The following PKHD1 variants were observed in gnomAD, a reference collection of about 807,000 sequenced individuals.
PKHD1 encodes the protein PKHD1 ciliary IPT domain containing fibrocystin/polyductin.
Under a neutral mutation model 412.0 loss-of-function variants are expected in PKHD1, and 291 were observed. The observed-to-expected ratio is 0.71, with a 90% confidence interval of 0.64 to 0.78. The LOEUF is 0.78. Ranked by LOEUF, PKHD1 falls within the 30% of genes least tolerant of loss-of-function variation. The pLI is 0.00. For missense variants in PKHD1, 4,825 were observed against 4,950.7 expected (o/e 0.97, Z 0.76); for synonymous variants, 1,777 against 1,821.5 (o/e 0.98, Z 0.62).
At chr6:51,644,986 G>A (rs558590053) in intron 63 of PKHD1, among the ~76,000 whole-genome samples, 9 of 152,138 alleles carry the variant, frequency 5.9e-5, no homozygotes, top group Admixed American at 2.6e-4. Context: ...CCAATAAACC[G>A]AATTTTTAAA....
At chr6:51,815,206 T>G (rs1412085888) in intron 52 of PKHD1, among the ~76,000 whole-genome samples, 1 of 152,232 alleles carries the variant, frequency 6.6e-6, no homozygotes, top group Non-Finnish European at 1.5e-5. Context: ...GCATTTGTTG[T>G]GGCTATAAGC....
At chr6:51,924,808 C>A (rs1003419631) in intron 37 of PKHD1, among the ~76,000 whole-genome samples, 1 of 152,206 alleles carries the variant, frequency 6.6e-6, no homozygotes, top group Admixed American at 6.5e-5. Flanking sequence ...ACCATCCCAT[C>A]TTTAGACTAA....
At position 51,845,568 on chromosome 6, in the gene PKHD1, C is replaced by A. The variant is rs531415780; in HGVS notation, c.8107+2207G>T. Among the ~76,000 whole-genome samples the A allele has an allele frequency of 1.2e-4, 19 of 152,282 alleles. No homozygotes were observed. In the South Asian group the frequency reaches 3.7e-3, roughly 30 times the overall value. On this transcript the variant is annotated intron_variant, in intron 50 of 66. Transcript: ENST00000371117. ...GAGGAGATACTAGGGTATTCCAATA[C>A]AAATAATTTTTAAAAATTAATAAAG... is the stretch of plus-strand genomic sequence containing the variant.
rs963268915 is a variant in PKHD1 at position 51,761,915 on chromosome 6, G to A, written c.8643-6977C>T. ...TTTCCCCTTCTCAGTAAATGGCAGC[G>A]CTCCTTACCTAGTTTCTTAGGTCAA... On this transcript the variant is annotated intron_variant, in intron 55 of 66. Coordinates refer to ENST00000371117, the MANE Select transcript of PKHD1 (RefSeq NM_138694.4). 7.2e-5 allele frequency among the ~76,000 whole-genome samples: 11 copies of A among 151,912 alleles called. No individual in the cohort carries two copies. The South Asian group carries it at 8.3e-4, about 11-fold the overall frequency.
intron 3 of PKHD1, among the ~76,000 whole-genome samples, chr6:52,082,775 CT>C (rs1582157021): frequency 6.6e-6 from 1 of 152,090 alleles, no homozygotes; most frequent in East Asian, 1.9e-4. Flanking sequence ...TTTTTCAGCC[CT>C]CAGATTTACT....
At chr6:52,087,372 G>T (rs529359208) in intron 1 of PKHD1, 62 bp downstream of exon 1, 2 of 152,280 alleles carry the variant, frequency 1.3e-5, no homozygotes, top group Admixed American at 1.3e-4. Context: ...TCACCAGAAC[G>T]TTAACAAGAG....
chr6:51,616,781 T>C lies in PKHD1; in HGVS notation c.*2300A>G, dbSNP rs1766104616. On this transcript the variant is annotated 3_prime_UTR_variant, in exon 67 of 67. Coordinates refer to ENST00000371117, the MANE Select transcript of PKHD1 (RefSeq NM_138694.4). The stretch of plus-strand genomic sequence containing the variant: ...ACATGCCTCCCAGAAAGACTGGTCT[T>C]GTGACACATAGAGGATAAATAAGAA... 1 of 397,956 alleles carries C rather than the reference T, an allele frequency of 2.5e-6. No individual in the cohort carries two copies. Among genetic ancestry groups the C allele is most frequent in the Non-Finnish European group, 4.4e-6 (1 of 225,738 alleles). 24.7% of individuals were successfully genotyped at this position (397,956 alleles called of 1,614,324 possible). A position where few individuals can be genotyped will look rare whatever the true frequency, so the allele number is the denominator to read the frequency against.
At chr6:51,710,527 G>T (rs9382004) in intron 60 of PKHD1, among the ~76,000 whole-genome samples, 1 of 151,834 alleles carries the variant, frequency 6.6e-6, no homozygotes, top group Admixed American at 6.6e-5. Context: ...ATGAATCTTA[G>T]CTATCCAATG....
At chr6:51,909,611 T>C in intron 39 of PKHD1, 137 bp from the exon 40 acceptor site, 1 of 695,830 alleles carries the variant, frequency 1.4e-6, no homozygotes. Context: ...TTATTTCCCC[T>C]TTTCTTTGAT....
At chr6:51,756,120 G>A (rs58773465) in intron 55 of PKHD1, among the ~76,000 whole-genome samples, 5,495 of 152,110 alleles carry the variant, frequency 0.036, 302 homozygotes, top group African/African-American at 0.12. Context: ...TCACATCTAC[G>A]TACCTAAGGT....
intron 63 of PKHD1, among the ~76,000 whole-genome samples, chr6:51,645,454 G>A (rs1337712362): frequency 4.6e-5 from 7 of 152,044 alleles, no homozygotes; most frequent in East Asian, 1.9e-4. Flanking sequence ...GTGCAGTGGC[G>A]CCATCTTGGC....
rs1416860640 is a variant in PKHD1, at chr6:52,025,740, T to C, written c.4070A>G (p.His1357Arg). The part of the protein sequence containing the change: ...VSLSGCSIPL[H>R]SLEAGIYPLQ... ...AGGATAGATGCCAGCCTCCAGACTGTGAAGAGGGATGGAGCATCCAGACAG... is the reference window on the plus strand; with the variant it reads ...AGGATAGATGCCAGCCTCCAGACTGCGAAGAGGGATGGAGCATCCAGACAG... Residue 1357 changes from histidine (H) to arginine (R), a missense_variant, in exon 32 of 67, where the codon CAC becomes CGC. His to Arg is a conservative substitution (Grantham distance 29, BLOSUM62 0). Coordinates refer to ENST00000371117, the MANE Select transcript of PKHD1 (RefSeq NM_138694.4). 6.2e-7 allele frequency: 1 copy of C among 1,613,980 alleles called. No homozygotes were observed. Among genetic ancestry groups the C allele is most frequent in the Non-Finnish European group, 8.5e-7 (1 of 1,180,000 alleles).
intron 60 of PKHD1, among the ~76,000 whole-genome samples, chr6:51,726,418 A>G (rs1336824828): frequency 6.6e-6 from 1 of 152,224 alleles, no homozygotes; most frequent in African/African-American, 2.4e-5. Context: ...TGGGACAAAA[A>G]TGTCAAAGAC....
intron 57 of PKHD1, 31 bp from the exon 58 acceptor site, chr6:51,748,696 T>G: frequency 6.2e-7 from 1 of 1,606,740 alleles, no homozygotes; most frequent in South Asian, 1.1e-5. Context: ...TCAGGTACTT[T>G]CCTCTTCCCC....
At chr6:51,908,797 T>C (rs1189918287) in intron 40 of PKHD1, among the ~76,000 whole-genome samples, 3 of 152,068 alleles carry the variant, frequency 2.0e-5, no homozygotes, top group African/African-American at 7.2e-5. Context: ...TTCCCCCTCA[T>C]TTCCCCAGGC....
chr6:51,841,287 AGGCTAGCAACTCAGCATTGC>A (rs1770139097), intron 50 of PKHD1, among the ~76,000 whole-genome samples: 2 of 152,244 alleles, frequency 1.3e-5, no homozygotes, highest in South Asian at 4.1e-4. Flanking sequence ...GTGTGAATTA[AGGCTAGCAACTCAGCATTGC>A]GGAGCATTAA....
In PKHD1 at chr6:52,065,036, T is replaced by C; in HGVS notation, c.895A>G (p.Ile299Val). 1 of 1,590,752 alleles carries C rather than the reference T, an allele frequency of 6.3e-7. No individual in the cohort carries two copies. Among genetic ancestry groups the C allele is most frequent in the Non-Finnish European group, 8.6e-7 (1 of 1,168,110 alleles). Residue 299 changes from isoleucine to valine, a missense_variant, in exon 13 of 67, where the codon ATT (isoleucine) becomes GTT (valine). By Grantham distance (29) the Ile-to-Val change is conservative. Coordinates refer to ENST00000371117, the MANE Select transcript of PKHD1 (RefSeq NM_138694.4). Reference sequence around the variant, plus strand: ...ATCTTCCTGGGAGACACGTGTCTAATATCACATGGAATGCCTAAAGCGAAT... The same window carrying C: ...ATCTTCCTGGGAGACACGTGTCTAACATCACATGGAATGCCTAAAGCGAAT... ...QVTIAGIPCDIRHVSPRKIEC... is the reference protein window; with the variant it reads ...QVTIAGIPCDVRHVSPRKIEC...
At chr6:52,005,567 G>A (rs944710722) in intron 35 of PKHD1, among the ~76,000 whole-genome samples, 8 of 152,142 alleles carry the variant, frequency 5.3e-5, no homozygotes, top group South Asian at 2.1e-4. Context: ...TGCCACTGGC[G>A]TTAATAGAGC....
rs750765715 is a variant in PKHD1, at chr6:52,053,246, T to C, written c.1970A>G (p.Gln657Arg). 7 of 1,614,122 alleles carry C rather than the reference T, an allele frequency of 4.3e-6. No individual in the cohort carries two copies. The South Asian group carries it at 6.6e-5, about 15-fold the overall frequency. The change falls in exon 21 of 67, where the codon CAG becomes CGG. Residue 657 changes from glutamine (Q) to arginine (R), a missense_variant. Physicochemically the swap from Gln to Arg is conservative, Grantham distance 43 (BLOSUM62 1). Coordinates refer to ENST00000371117, the MANE Select transcript of PKHD1 (RefSeq NM_138694.4). ...CTCCCAGAGGTCAGTGCAATCGAAC[T>C]GCCAGCTGAAAAACAGCATGGAGCA... ...SLTRTSPESW[Q>R]FDCTDLWETC...
Sources: allele counts gnomAD v4.1 joint callset (sites outside exome capture counted in the v4.1 genomes callset), GRCh38; gene constraint gnomAD v4.1.1; transcripts MANE v1.5; gene names NCBI Gene and HGNC (gene_info 2026-07-23, HGNC 2026-07-21).